The following RNF125 variants were observed in gnomAD, a reference collection of about 807,000 sequenced individuals.
The protein encoded by RNF125 is E3 ubiquitin-protein ligase RNF125.
RNF125 carries 21 observed loss-of-function variants against 26.0 expected under a neutral mutation model. The ratio of observed to expected loss-of-function variants is 0.81; its 90% CI spans 0.57 to 1.16. RNF125 has a LOEUF of 1.16. RNF125 is among the 50% of genes most tolerant of loss of function. The pLI is 0.00. For missense variants in RNF125, 270 were observed against 299.4 expected (o/e 0.90, Z 0.72); for synonymous variants, 95 against 109.2 (o/e 0.87, Z 0.81).
intron 4 of RNF125, among the ~76,000 whole-genome samples, chr18:32,065,680 G>A (rs535659263): frequency 5.9e-5 from 9 of 151,890 alleles, no homozygotes; most frequent in East Asian, 5.8e-4. Context: ...CTATAGGCAC[G>A]TACCACCACG....
At chr18:32,076,769 A>G (rs1054270435), downstream of RNF125, among the ~76,000 whole-genome samples, 2 of 152,060 alleles carry the variant, frequency 1.3e-5, no homozygotes, top group African/African-American at 4.8e-5. Context: ...AACACACCAA[A>G]CTTACAGTGG....
At chr18:32,088,330 TTCCC>T in the RNF125 span, among the ~76,000 whole-genome samples, 1 of 152,188 alleles carries the variant, frequency 6.6e-6, no homozygotes, top group Non-Finnish European at 1.5e-5. Context: ...ATCCTCCAGC[TTCCC>T]AGTTCACTTC....
At chr18:32,030,273 C>T (rs2039079640) in intron 1 of RNF125, among the ~76,000 whole-genome samples, 1 of 152,144 alleles carries the variant, frequency 6.6e-6, no homozygotes, top group Non-Finnish European at 1.5e-5. Context: ...GAACTCCAGA[C>T]CTCAGGTGAT....
intron 4 of RNF125, among the ~76,000 whole-genome samples, chr18:32,055,417 A>G (rs2039370992): frequency 6.6e-6 from 1 of 152,118 alleles, no homozygotes; most frequent in Non-Finnish European, 1.5e-5. Flanking sequence ...AAGACTGGGT[A>G]ATTTAGAAAG....
chr18:32,038,801 T>C (rs151240949), intron 2 of RNF125, among the ~76,000 whole-genome samples: 2 of 152,198 alleles, frequency 1.3e-5, no homozygotes, highest in East Asian at 3.9e-4. Context: ...AGTCGCACTC[T>C]GTTGCCCAGG....
chr18:32,074,559 T>TA (rs1447654571), downstream of RNF125, among the ~76,000 whole-genome samples: 1 of 152,204 alleles, frequency 6.6e-6, no homozygotes, highest in African/African-American at 2.4e-5. Flanking sequence ...TCTTTTTTTT[T>TA]AGAGATGGAG....
the RNF125 span, among the ~76,000 whole-genome samples, chr18:32,079,222 G>A: frequency 2.0e-5 from 3 of 152,162 alleles, no homozygotes; most frequent in Non-Finnish European, 4.4e-5. Context: ...TACATGGTGG[G>A]GAGGGAGAGA....
intron 2 of RNF125, among the ~76,000 whole-genome samples, chr18:32,039,389 C>A (rs1016526826): frequency 1.3e-5 from 2 of 152,016 alleles, no homozygotes; most frequent in Non-Finnish European, 2.9e-5. Flanking sequence ...TAGCAAGACT[C>A]TCTCAACAAA....
intron 4 of RNF125, among the ~76,000 whole-genome samples, chr18:32,059,338 A>C (rs753747579): frequency 6.6e-6 from 1 of 152,162 alleles, no homozygotes; most frequent in Non-Finnish European, 1.5e-5. Context: ...ATGATATCTC[A>C]TTGTAGTTTT....
In RNF125 at chr18:32,038,603, C is replaced by T. The variant is rs1323293187; in HGVS notation, c.318+1334C>T. 3.3e-5 allele frequency among the ~76,000 whole-genome samples: 5 copies of T among 152,276 alleles called. No homozygotes were observed. The South Asian group carries it at 1.0e-3, about 32-fold the overall frequency. ...CTTTGCAGTATTTGTCTCTATCAAG[C>T]ACACCTTGCCTGTTGCAGTTTTCAA... On this transcript the variant is annotated intron_variant, in intron 2 of 5. Transcript: ENST00000217740.
At chr18:32,058,044 G>A (rs142991948) in intron 4 of RNF125, among the ~76,000 whole-genome samples, 2,256 of 150,766 alleles carry the variant, frequency 0.015, 24 homozygotes, top group Middle Eastern at 0.027. Context: ...AAGTGGGAGG[G>A]TTACTTAAAG....
chr18:32,045,432 G>C (rs2039259735), intron 3 of RNF125, among the ~76,000 whole-genome samples: 1 of 151,214 alleles, frequency 6.6e-6, no homozygotes, highest in Non-Finnish European at 1.5e-5. Context: ...GGTGGTGGGG[G>C]CTTGTAATCC....
chr18:32,068,154 G>A (rs2039501000), intron 5 of RNF125, 144 bp from the exon 6 acceptor site: 1 of 519,118 alleles, frequency 1.9e-6, no homozygotes, highest in Non-Finnish European at 3.4e-6. Flanking sequence ...AAAGTCCTGG[G>A]TTCTATGACA....
At chr18:32,019,868 T>TC (rs1598804595) in intron 1 of RNF125, among the ~76,000 whole-genome samples, 1 of 152,266 alleles carries the variant, frequency 6.6e-6, no homozygotes, top group East Asian at 1.9e-4. Flanking sequence ...TAGCTAAAAC[T>TC]CACAGTTGGT....
intron 1 of RNF125, among the ~76,000 whole-genome samples, chr18:32,031,683 A>G (rs1598810435): frequency 6.6e-6 from 1 of 152,082 alleles, no homozygotes; most frequent in East Asian, 1.9e-4. Flanking sequence ...TTGAGAACCC[A>G]TTCTTAGAGA....
rs755195309 is a variant in RNF125 at position 32,066,388 on chromosome 18, G to A, written c.612+379G>A. 4.1e-4 allele frequency among the ~76,000 whole-genome samples: 63 copies of A among 151,844 alleles called. 1 individual carries two copies. The highest frequency in any genetic ancestry group is 5.3e-4 in the Non-Finnish European group (36 of 67,992). On this transcript the variant is annotated intron_variant, in intron 5 of 5. Coordinates refer to ENST00000217740, the MANE Select transcript of RNF125 (RefSeq NM_017831.4). Reference sequence around the variant, plus strand: ...GCAGGAGAATCGCTTGAACCCAGGAGGCAGAGGTTTCAGTGAGCTGAGATC... The same window carrying A: ...GCAGGAGAATCGCTTGAACCCAGGAAGCAGAGGTTTCAGTGAGCTGAGATC...
intron 1 of RNF125, among the ~76,000 whole-genome samples, chr18:32,034,900 C>CAA (rs10674977): frequency 0.32 from 36,301 of 113,300 alleles, 6,563 homozygotes; most frequent in South Asian, 0.43. Flanking sequence ...AACTCCATCT[C>CAA]AAAAAAAAAA....
At chr18:32,044,509 T>C (rs2039249320) in intron 3 of RNF125, among the ~76,000 whole-genome samples, 2 of 152,114 alleles carry the variant, frequency 1.3e-5, no homozygotes, top group Admixed American at 1.3e-4. Context: ...CCCTCAAAAT[T>C]CAGCGTGTAT....
At chr18:32,021,301 T>C (rs893663642) in intron 1 of RNF125, among the ~76,000 whole-genome samples, 2 of 152,188 alleles carry the variant, frequency 1.3e-5, no homozygotes, top group East Asian at 1.9e-4. Flanking sequence ...AGGATGGTCT[T>C]GATCTCCTGA....
Sources: gnomAD v4.1 joint callset for allele counts (sites outside exome capture counted in the v4.1 genomes callset) on GRCh38, gnomAD v4.1.1 for gene constraint, MANE v1.5 for transcripts, NCBI Gene and HGNC (gene_info 2026-07-23, HGNC 2026-07-21) for gene names.